The following TCTN2 variants were observed in gnomAD, a reference collection of about 807,000 sequenced individuals.
TCTN2 encodes the protein tectonic family member 2.
In TCTN2, 66 loss-of-function variants were observed where a neutral mutation model predicts 83.4. That is an observed-to-expected ratio of 0.79 (90% CI 0.65 to 0.97). The LOEUF (loss-of-function observed/expected upper bound fraction) is 0.97, where lower values mean the gene tolerates loss of function less well. Among genes scored for constraint, TCTN2 ranks in the 50% least tolerant of loss-of-function variants. TCTN2 has a pLI of 0.00. For synonymous variants in TCTN2, 301 were observed against 326.7 expected (o/e 0.92, Z 0.85); for missense variants, 794 against 858.1 (o/e 0.93, Z 0.93).
chr12:123,684,876 C>G (rs1955944728), intron 5 of TCTN2, among the ~76,000 whole-genome samples: 1 of 151,654 alleles, frequency 6.6e-6, no homozygotes, highest in South Asian at 2.1e-4. Flanking sequence ...ATGGTGAAAC[C>G]CCGTCTCTTC....
intron 4 of TCTN2, among the ~76,000 whole-genome samples, chr12:123,675,291 A>C (rs1026354140): frequency 6.6e-6 from 1 of 152,126 alleles, no homozygotes; most frequent in African/African-American, 2.4e-5. Context: ...TAGTGTTCTT[A>C]AACCAAAAGA....
intron 4 of TCTN2, among the ~76,000 whole-genome samples, chr12:123,678,257 G>A (rs1233202224): frequency 6.6e-6 from 1 of 152,198 alleles, no homozygotes; most frequent in Admixed American, 6.5e-5. Context: ...GAAAGGGGAT[G>A]GGTCTTAATT....
intron 7 of TCTN2, 118 bp downstream of exon 7, chr12:123,688,295 A>C (rs898876948): frequency 7.6e-7 from 1 of 1,318,688 alleles, no homozygotes. Context: ...GGCTCACTGC[A>C]ACCTCTGCCT....
chr12:123,686,712 G>C, intron 5 of TCTN2, 124 bp from the exon 6 acceptor site: 1 of 937,698 alleles, frequency 1.1e-6, no homozygotes, highest in Non-Finnish European at 1.7e-6. Context: ...ATGAGACACA[G>C]ATTATAGGTT....
rs145483549 is a variant in TCTN2 at position 123,704,644 on chromosome 12, G to A, written c.1725G>A (p.Ala575=). ...GCATCCTCATCTCGGATGCTGGCGC[G>A]GTGGAAGGGATTACTCAGCAGGAGA... ...SIRILISDAG[A]VEGITQQEIL... is the part of the protein sequence containing the mutation. Residue 575 remains alanine (A), a synonymous_variant, in exon 15 of 18, where the codon GCG becomes GCA. Transcript: ENST00000303372. 6.2e-6 allele frequency: 10 copies of A among 1,612,906 alleles called. No individual in the cohort carries two copies. The highest frequency in any genetic ancestry group is 2.2e-5 in the South Asian group (2 of 91,010).
Position 123,707,943 on chromosome 12 carries a change from C to A in TCTN2, c.*230C>A. 1 of 474,706 alleles carries A rather than the reference C, an allele frequency of 2.1e-6. No homozygotes were observed. Among genetic ancestry groups the A allele is most frequent in the East Asian group, 4.1e-5 (1 of 24,310 alleles). The allele number at this position is 474,706 out of a possible 1,614,324, so 29.4% of individuals were successfully genotyped here. A position where few individuals can be genotyped will look rare whatever the true frequency, so the allele number is the denominator to read the frequency against. On this transcript the variant is annotated 3_prime_UTR_variant, in exon 18 of 18. Transcript: ENST00000303372. ...CAGGCTGCTCTCGAACTCCTGACCT[C>A]ATGATCCGCCCATCTTGGCCTCCCA...
In TCTN2 at chr12:123,699,705, G is replaced by A; in HGVS notation, c.1507G>A (p.Glu503Lys). Residue 503 changes from glutamate to lysine, a missense_variant and splice_region_variant, in exon 14 of 18, where the codon GAG becomes AAG. Glu to Lys is a moderately conservative substitution (Grantham distance 56). Coordinates refer to ENST00000303372, the MANE Select transcript of TCTN2 (RefSeq NM_024809.5). ...GINENCTQLR[E>K]NAVERLDSLI... ...GAGAAATGTCTTACTCTCTTGCAGG[G>A]AGAATGCTGTTGAAAGACTTGATTC... 6.2e-7 allele frequency: 1 copy of A among 1,612,944 alleles called. No individual in the cohort carries two copies. The highest frequency in any genetic ancestry group is 8.5e-7 in the Non-Finnish European group (1 of 1,179,014).
At chr12:123,676,460 C>T (rs541609393) in intron 4 of TCTN2, among the ~76,000 whole-genome samples, 31 of 147,238 alleles carry the variant, frequency 2.1e-4, no homozygotes, top group African/African-American at 6.5e-4. Context: ...CCCAGCTACT[C>T]GAGAGGCTGA....
Position 123,687,048 on chromosome 12 carries a change from G to A in TCTN2, c.764+13G>A. ...ATCATGGTGCTGTGTAAGTGTCTGAGCAGCCGCCTGGGATGGGGCATTGTT... is the reference window on the plus strand; with the variant it reads ...ATCATGGTGCTGTGTAAGTGTCTGAACAGCCGCCTGGGATGGGGCATTGTT... On this transcript the variant is annotated intron_variant, in intron 6 of 17. Coordinates refer to ENST00000303372, the MANE Select transcript of TCTN2 (RefSeq NM_024809.5). The A allele has an allele frequency of 6.2e-7, 1 of 1,614,078 alleles. No homozygotes were observed. Among genetic ancestry groups the A allele is most frequent in the Non-Finnish European group, 8.5e-7 (1 of 1,179,948 alleles).
rs948111950 is a variant in TCTN2 at position 123,693,206 on chromosome 12, A to G, written c.1099+483A>G. Among the ~76,000 whole-genome samples the G allele has an allele frequency of 8.6e-5, 13 of 150,610 alleles. No individual in the cohort carries two copies. The East Asian group carries it at 2.5e-3, about 30-fold the overall frequency. On this transcript the variant is annotated intron_variant, in intron 9 of 17. Transcript: ENST00000303372. The stretch of plus-strand genomic sequence containing the variant: ...CACACCCAGCTAATTTTGTATTTTT[A>G]GTAGAGACGGGGTTTCTCCCTGTTG...
chr12:123,688,829 C>T (rs2135837563), intron 7 of TCTN2, among the ~76,000 whole-genome samples: 1 of 151,926 alleles, frequency 6.6e-6, no homozygotes, highest in South Asian at 2.1e-4. Context: ...AATCTCAGCT[C>T]ACCGCAACCT....
At chr12:123,689,682 G>A (rs529034220) in intron 7 of TCTN2, among the ~76,000 whole-genome samples, 63 of 151,834 alleles carry the variant, frequency 4.1e-4, no homozygotes, top group African/African-American at 1.5e-3. Flanking sequence ...CCTCAAGTAG[G>A]GTCCGGTATA....
chr12:123,696,044 A>G, intron 11 of TCTN2: 1 of 286,240 alleles, frequency 3.5e-6, no homozygotes, highest in Non-Finnish European at 6.8e-6. Context: ...AGGTTTTGCC[A>G]TATTGGCCAT....
chr12:123,707,090 T>A lies in TCTN2; in HGVS notation c.1984+17T>A. On this transcript the variant is annotated intron_variant, in intron 17 of 17. Transcript: ENST00000303372. ...ATTATCAAGGTAGGGTGAAACAGAT[T>A]TCTATGACCAATTATGTTATGTCAA... 1 of 1,608,276 alleles carries A rather than the reference T, an allele frequency of 6.2e-7. No homozygotes were observed. Among genetic ancestry groups the A allele is most frequent in the African/African-American group, 1.3e-5 (1 of 74,854 alleles).
chr12:123,680,176 A>G (rs1955879545), intron 5 of TCTN2, among the ~76,000 whole-genome samples: 1 of 151,368 alleles, frequency 6.6e-6, no homozygotes, highest in Admixed American at 6.6e-5. Flanking sequence ...AACATGGAGA[A>G]ACCCCATCTC....
chr12:123,693,321 C>T (rs569131216), intron 9 of TCTN2, among the ~76,000 whole-genome samples: 8 of 147,970 alleles, frequency 5.4e-5, no homozygotes, highest in South Asian at 2.1e-4. Context: ...CCACCGCGCC[C>T]GACCAGTTAA....
chr12:123,679,095 C>A, intron 4 of TCTN2, 94 bp from the exon 5 acceptor site: 2 of 1,200,688 alleles, frequency 1.7e-6, no homozygotes, highest in Non-Finnish European at 2.5e-6. Context: ...CCGCGCCTGG[C>A]CGATAATTCA....
At chr12:123,683,026 C>T (rs1955918395) in intron 5 of TCTN2, among the ~76,000 whole-genome samples, 2 of 151,216 alleles carry the variant, frequency 1.3e-5, no homozygotes, top group African/African-American at 4.8e-5. Flanking sequence ...GAGTTCGAGA[C>T]CAACCTGGCC....
chr12:123,691,970 C>T (rs997996083), intron 8 of TCTN2, among the ~76,000 whole-genome samples: 11 of 152,016 alleles, frequency 7.2e-5, no homozygotes, highest in Non-Finnish European at 1.3e-4. Context: ...TCTCGGCTCA[C>T]GGCAACCTCC....
Sources: allele counts gnomAD v4.1 joint callset (sites outside exome capture counted in the v4.1 genomes callset), GRCh38; gene constraint gnomAD v4.1.1; transcripts MANE v1.5; gene names NCBI Gene and HGNC (gene_info 2026-07-23, HGNC 2026-07-21).